Variants in COL9A1 observed in about 807,000 individuals in gnomAD.
The protein encoded by COL9A1 is collagen type IX alpha 1 chain.
COL9A1 carries 104 observed loss-of-function variants against 142.6 expected under a neutral mutation model. The ratio of observed to expected loss-of-function variants is 0.73; its 90% CI spans 0.62 to 0.86. The LOEUF is 0.86. Ranked by LOEUF, COL9A1 falls within the 40% of genes least tolerant of loss-of-function variation. The pLI, the probability that COL9A1 is intolerant of heterozygous loss-of-function variation, is 0.00. For synonymous variants in COL9A1, 466 were observed against 396.0 expected (o/e 1.18, Z -2.10); for missense variants, 1,210 against 1,176.6 (o/e 1.03, Z -0.42).
rs1014581877 is a variant in COL9A1 at position 70,283,299 on chromosome 6, G to A, written c.781-381C>T. ...GAGGACGGATAGAATGACAACAGTC[G>A]CCCTTAACCCCTTCCCTGCCGCCGC... On this transcript the variant is annotated intron_variant, in intron 6 of 37. Transcript: ENST00000357250. 1.5e-5 allele frequency: 20 copies of A among 1,346,102 alleles called. No homozygotes were observed. In the African/African-American group the frequency reaches 2.5e-4, roughly 17 times the overall value. 83.4% of individuals were successfully genotyped at this position (1,346,102 alleles called of 1,614,324 possible). A position where few individuals can be genotyped will look rare whatever the true frequency, so the allele number is the denominator to read the frequency against.
intron 20 of COL9A1, 71 bp from the exon 21 acceptor site, chr6:70,256,892 T>C: frequency 7.1e-7 from 1 of 1,417,912 alleles, no homozygotes; most frequent in Non-Finnish European, 9.9e-7. Context: ...TCCATCTTTC[T>C]AAAGAAATTT....
chr6:70,218,825 C>G (rs371962151), intron 37 of COL9A1, among the ~76,000 whole-genome samples: 3 of 140,766 alleles, frequency 2.1e-5, no homozygotes, highest in Admixed American at 7.0e-5. Flanking sequence ...GCATACACTT[C>G]GATCCACACA....
At position 70,302,997 on chromosome 6, in the gene COL9A1, C is replaced by G. The variant is rs1345167588; in HGVS notation, c.-73G>C. ...GGTTGGAAGGGAGTCACTGTCCCCT[C>G]ACGACCCCTTCACTGTTACCCTAGG... On this transcript the variant is annotated 5_prime_UTR_variant, in exon 1 of 38. Transcript: ENST00000357250. The G allele has an allele frequency of 6.8e-7, 1 of 1,476,776 alleles. No homozygotes were observed. The highest frequency in any genetic ancestry group is 1.4e-5 in the African/African-American group (1 of 71,938). 91.5% of individuals were successfully genotyped at this position (1,476,776 alleles called of 1,614,324 possible). A position where few individuals can be genotyped will look rare whatever the true frequency, so the allele number is the denominator to read the frequency against.
At chr6:70,291,598 A>G (rs1457528678) in intron 5 of COL9A1, among the ~76,000 whole-genome samples, 1 of 152,138 alleles carries the variant, frequency 6.6e-6, no homozygotes, top group Non-Finnish European at 1.5e-5. Context: ...TTACATACTC[A>G]ATGAAAGTTT....
rs535453270 is a variant in COL9A1 at position 70,275,025 on chromosome 6, C to A, written c.976-253G>T. 18 of 503,596 alleles carry A rather than the reference C, an allele frequency of 3.6e-5. No homozygotes were observed. The South Asian group carries it at 4.3e-4, about 12-fold the overall frequency. 31.2% of individuals were successfully genotyped at this position (503,596 alleles called of 1,614,324 possible). A position where few individuals can be genotyped will look rare whatever the true frequency, so the allele number is the denominator to read the frequency against. On this transcript the variant is annotated intron_variant, in intron 10 of 37. Coordinates refer to ENST00000357250, the MANE Select transcript of COL9A1 (RefSeq NM_001851.6). ...TTCCTGCTAACTGCATTGTTTATCA[C>A]AGGGTTCAATAATTCAGTGTTTTTT... is the stretch of plus-strand genomic sequence containing the variant.
At position 70,232,826 on chromosome 6, in the gene COL9A1, TAATGAAAA is replaced by T. The variant is rs1197360580; in HGVS notation, c.2315-63_2315-56del. On this transcript the variant is annotated intron_variant, in intron 35 of 37. Coordinates refer to ENST00000357250, the MANE Select transcript of COL9A1 (RefSeq NM_001851.6). ...AGTGTCAGAAACATAAAAGTTATTC[TAATGAAAA>T]GAGAGGTATTCCAAATGCCTTTTTT... 7 of 1,534,962 alleles carry T rather than the reference TAATGAAAA, an allele frequency of 4.6e-6. No homozygotes were observed. The East Asian group carries it at 1.7e-4, about 37-fold the overall frequency.
At chr6:70,253,355 G>T in intron 26 of COL9A1, 30 bp downstream of exon 26, 1 of 1,423,718 alleles carries the variant, frequency 7.0e-7, no homozygotes, top group South Asian at 1.2e-5. Flanking sequence ...AATTAAGAAA[G>T]ATATTAACTT....
At chr6:70,280,122 T>C (rs1445839451) in intron 10 of COL9A1, 2 of 559,788 alleles carry the variant, frequency 3.6e-6, no homozygotes, top group Non-Finnish European at 6.6e-6. Flanking sequence ...AGGTTTACCA[T>C]ATAAGTCAGC....
At chr6:70,270,429 C>T in intron 14 of COL9A1, 62 bp from the exon 15 acceptor site, 1 of 1,486,952 alleles carries the variant, frequency 6.7e-7, no homozygotes, top group East Asian at 2.3e-5. Context: ...GTACATAAAA[C>T]CAGTGAGGCA....
chr6:70,297,857 CA>C (rs368634092), intron 4 of COL9A1, among the ~76,000 whole-genome samples: 20 of 146,576 alleles, frequency 1.4e-4, no homozygotes, highest in Middle Eastern at 3.5e-3. Flanking sequence ...TAAAAAACAG[CA>C]AAAAAAAAGT....
chr6:70,280,738 C>T, intron 10 of COL9A1, 74 bp downstream of exon 10: 1 of 1,510,442 alleles, frequency 6.6e-7, no homozygotes, highest in Non-Finnish European at 9.0e-7. Flanking sequence ...TCCCTCCCCC[C>T]CCACAAAACA....
chr6:70,226,064 C>T (rs992484011), intron 36 of COL9A1, 55 bp from the exon 37 acceptor site: 31 of 1,459,156 alleles, frequency 2.1e-5, no homozygotes, highest in South Asian at 8.1e-5. Context: ...AATAAACTTC[C>T]GCATCTTTAA....
intron 29 of COL9A1, 55 bp from the exon 30 acceptor site, chr6:70,242,090 CG>C: frequency 1.4e-6 from 2 of 1,465,294 alleles, no homozygotes; most frequent in South Asian, 2.4e-5. Flanking sequence ...ACTGAAAGCA[CG>C]GAAGGCAGAA....
At chr6:70,302,666 C>T (rs1774117016) in intron 1 of COL9A1, among the ~76,000 whole-genome samples, 1 of 151,582 alleles carries the variant, frequency 6.6e-6, no homozygotes, top group Non-Finnish European at 1.5e-5. Flanking sequence ...CCTTTGATTT[C>T]CTTCCTCTCT....
Position 70,281,016 on chromosome 6 carries a change from G to A in COL9A1, c.900C>T (p.Pro300=), listed in dbSNP as rs753936168. ...CCAATCAACTTACCGGGGGGCCCGG[G>A]GGGCCCTTAGGACCTCGGTCACCCT... is the stretch of plus-strand genomic sequence containing the variant. The part of the protein sequence containing the change: ...GIDGDRGPKG[P]PGPPGPAGEP... The change falls in exon 9 of 38, where the codon CCC becomes CCT. Residue 300 remains proline (P), a synonymous_variant. Transcript: ENST00000357250. 1 of 1,613,160 alleles carries A rather than the reference G, an allele frequency of 6.2e-7. No homozygotes were observed. Among genetic ancestry groups the A allele is most frequent in the Admixed American group, 1.7e-5 (1 of 59,950 alleles).
In COL9A1 at chr6:70,294,459, T is replaced by C. The variant is rs1202257253; in HGVS notation, c.404A>G (p.Asp135Gly). Residue 135 changes from aspartate (D) to glycine (G), a missense_variant, in exon 5 of 38, where the codon GAT becomes GGT. Asp to Gly is a moderately conservative substitution (Grantham distance 94, BLOSUM62 -1). Coordinates refer to ENST00000357250, the MANE Select transcript of COL9A1 (RefSeq NM_001851.6). ...GCCAACTTGCTCCTTCCCAGAGGAA[T>C]CCTGAATCTGCCAAATGTTCCAGTT... ...KKNWNIWQIQ[D>G]SSGKEQVGIK... The C allele has an allele frequency of 6.2e-7, 1 of 1,614,020 alleles. No homozygotes were observed. Among genetic ancestry groups the C allele is most frequent in the Non-Finnish European group, 8.5e-7 (1 of 1,180,000 alleles).
chr6:70,242,236 C>A (rs1469100788), intron 29 of COL9A1: 1 of 635,658 alleles, frequency 1.6e-6, no homozygotes, highest in East Asian at 2.9e-5. Flanking sequence ...CTTCACTCCA[C>A]CCTAAGGTCC....
At chr6:70,275,520 TA>T (rs2127593376) in intron 10 of COL9A1, among the ~76,000 whole-genome samples, 1 of 152,196 alleles carries the variant, frequency 6.6e-6, no homozygotes, top group South Asian at 2.1e-4. Flanking sequence ...CTAAAGCAGT[TA>T]TTAAATACAT....
At chr6:70,293,788 T>C (rs896240303) in intron 5 of COL9A1, among the ~76,000 whole-genome samples, 2 of 152,048 alleles carry the variant, frequency 1.3e-5, no homozygotes, top group African/African-American at 4.8e-5. Flanking sequence ...TACTTTCTCC[T>C]CTCTTTTTGC....
Sources: gnomAD v4.1 joint callset for allele counts (sites outside exome capture counted in the v4.1 genomes callset) on GRCh38, gnomAD v4.1.1 for gene constraint, MANE v1.5 for transcripts, NCBI Gene and HGNC (gene_info 2026-07-23, HGNC 2026-07-21) for gene names.